The following HS3ST1 variants were observed in gnomAD, a reference collection of about 807,000 sequenced individuals.
The protein encoded by HS3ST1 is heparan sulfate glucosamine 3-O-sulfotransferase 1.
A neutral mutation model predicts 20.7 loss-of-function variants in HS3ST1; 8 were observed. The observed-to-expected ratio is 0.39, with a 90% confidence interval of 0.23 to 0.70. HS3ST1 has a LOEUF of 0.70. HS3ST1 is among the 30% of genes least tolerant of loss of function. HS3ST1 has a pLI of 0.46. For synonymous variants in HS3ST1, 205 were observed against 190.4 expected (o/e 1.08, Z -0.63); for missense variants, 436 against 423.4 (o/e 1.03, Z -0.26).
intron 1 of HS3ST1, among the ~76,000 whole-genome samples, chr4:11,402,819 G>A (rs925254071): frequency 6.6e-6 from 1 of 152,214 alleles, no homozygotes; most frequent in Non-Finnish European, 1.5e-5. Flanking sequence ...AGGCATCCTG[G>A]TTAGTGTAGT....
At chr4:11,414,494 G>A (rs1014263653) in intron 1 of HS3ST1, among the ~76,000 whole-genome samples, 10 of 152,226 alleles carry the variant, frequency 6.6e-5, no homozygotes, top group East Asian at 1.9e-4. Context: ...TTTCAGAGGC[G>A]TCTAAAGAAT....
intron 1 of HS3ST1, among the ~76,000 whole-genome samples, chr4:11,415,134 C>T (rs17488994): frequency 0.14 from 21,099 of 152,186 alleles, 1,544 homozygotes; most frequent in South Asian, 0.2. Flanking sequence ...GAGGAAAGTT[C>T]AGGGGTCTGG....
intron 1 of HS3ST1, among the ~76,000 whole-genome samples, chr4:11,412,923 G>T (rs189234020): frequency 6.6e-6 from 1 of 152,170 alleles, no homozygotes; most frequent in African/African-American, 2.4e-5. Flanking sequence ...GGTCATGAGG[G>T]TGAAGACGTC....
chr4:11,425,599 C>T (rs1340615369), intron 1 of HS3ST1, among the ~76,000 whole-genome samples: 4 of 152,160 alleles, frequency 2.6e-5, no homozygotes, highest in Admixed American at 6.5e-5. Flanking sequence ...TAATGTTTAG[C>T]ATATGTCATT....
chr4:11,419,660 T>A lies in HS3ST1; in HGVS notation c.-109+9039A>T, dbSNP rs564688550. On this transcript the variant is annotated intron_variant, in intron 1 of 1. Coordinates refer to ENST00000002596, the MANE Select transcript of HS3ST1 (RefSeq NM_005114.4). The stretch of plus-strand genomic sequence containing the variant: ...AGTAAAACAAAATACAATAAAATTT[T>A]AAAAAAAGAAAAAGTAGGGGCCTTC... Among the ~76,000 whole-genome samples the A allele has an allele frequency of 6.1e-4, 93 of 151,852 alleles. 1 individual carries two copies. The highest frequency in any genetic ancestry group is 1.9e-3 in the African/African-American group (78 of 41,440).
chr4:11,431,478 C>T (rs1439711170), upstream of HS3ST1, among the ~76,000 whole-genome samples: 2 of 152,152 alleles, frequency 1.3e-5, no homozygotes, highest in Admixed American at 6.5e-5. Context: ...TTTAAGATCT[C>T]GAAGTCTTTA....
chr4:11,425,420 A>T (rs1719035631), intron 1 of HS3ST1, among the ~76,000 whole-genome samples: 1 of 152,206 alleles, frequency 6.6e-6, no homozygotes, highest in South Asian at 2.1e-4. Context: ...AGATTTTCTT[A>T]AGACATGTAA....
Position 11,396,222 on chromosome 4 carries a change from C to G in HS3ST1, c.*2860G>C, listed in dbSNP as rs1718142206. The G allele has an allele frequency of 6.6e-6, 1 of 152,206 alleles. No individual in the cohort carries two copies. The highest frequency in any genetic ancestry group is 6.5e-5 in the Admixed American group (1 of 15,278). The allele number at this position is 152,206 out of a possible 1,614,324, so 9.4% of individuals were successfully genotyped here. A position where few individuals can be genotyped will look rare whatever the true frequency, so the allele number is the denominator to read the frequency against. On this transcript the variant is annotated 3_prime_UTR_variant, in exon 2 of 2. Transcript: ENST00000002596. ...ATGTCACTTTTCCTAAACTTGCAAA[C>G]CTTCAGGTTGTGAGCTGATAACCAA...
Position 11,422,912 on chromosome 4 carries a change from G to T in HS3ST1, c.-109+5787C>A, listed in dbSNP as rs186638995. Among the ~76,000 whole-genome samples, 7 of 149,832 alleles carry T rather than the reference G, an allele frequency of 4.7e-5. No homozygotes were observed. In the East Asian group the frequency reaches 1.4e-3, roughly 30 times the overall value. ...AAAACAAATGATCAAGTTAAAAGGT[G>T]CTCAGGAGGCTGAGATAGGAGAATC... On this transcript the variant is annotated intron_variant, in intron 1 of 1. Coordinates refer to ENST00000002596, the MANE Select transcript of HS3ST1 (RefSeq NM_005114.4).
rs561457630 is a variant in HS3ST1, at chr4:11,396,797, G to A, written c.*2285C>T. On this transcript the variant is annotated 3_prime_UTR_variant, in exon 2 of 2. Transcript: ENST00000002596. Reference sequence around the variant, plus strand: ...TAGCCACGACTCTGCACCCCCAAATGAAAACATATTGAATTTACATTCACT... The same window carrying A: ...TAGCCACGACTCTGCACCCCCAAATAAAAACATATTGAATTTACATTCACT... 145 of 152,340 alleles carry A rather than the reference G, an allele frequency of 9.5e-4. 1 individual carries two copies. The highest frequency in any genetic ancestry group is 1.7e-3 in the Non-Finnish European group (117 of 68,070). 9.4% of individuals were successfully genotyped at this position (152,340 alleles called of 1,614,324 possible).
At chr4:11,433,013 A>C (rs572799195), upstream of HS3ST1, among the ~76,000 whole-genome samples, 2 of 152,326 alleles carry the variant, frequency 1.3e-5, no homozygotes, top group South Asian at 2.1e-4. Flanking sequence ...ACATCTTGGC[A>C]TATGTGGTTA....
intron 1 of HS3ST1, among the ~76,000 whole-genome samples, chr4:11,424,001 G>T (rs1374018164): frequency 1.4e-5 from 2 of 138,102 alleles, no homozygotes; most frequent in African/African-American, 2.7e-5. Flanking sequence ...AAAGTGAGTA[G>T]ATTTTACATA....
At chr4:11,418,509 C>T (rs1035657200) in intron 1 of HS3ST1, among the ~76,000 whole-genome samples, 1 of 152,156 alleles carries the variant, frequency 6.6e-6, no homozygotes, top group African/African-American at 2.4e-5. Flanking sequence ...ACTACACTCC[C>T]TTTTGGATCA....
chr4:11,420,089 C>T (rs2108889214), intron 1 of HS3ST1, among the ~76,000 whole-genome samples: 1 of 152,302 alleles, frequency 6.6e-6, no homozygotes, highest in East Asian at 1.9e-4. Context: ...TTCTTTCTGT[C>T]CCATATTTCA....
At chr4:11,408,783 C>T (rs1290929650) in intron 1 of HS3ST1, among the ~76,000 whole-genome samples, 1 of 152,138 alleles carries the variant, frequency 6.6e-6, no homozygotes. Flanking sequence ...GAAGAGGAGC[C>T]CCATAGCAGA....
At chr4:11,426,638 A>G (rs1173790775) in intron 1 of HS3ST1, among the ~76,000 whole-genome samples, 1 of 152,238 alleles carries the variant, frequency 6.6e-6, no homozygotes, top group African/African-American at 2.4e-5. Context: ...CTAGAAGCAC[A>G]GCTTAATAAG....
In HS3ST1 at chr4:11,394,455, T is replaced by G. The variant is rs1718084801; in HGVS notation, c.*4627A>C. 6.6e-6 allele frequency: 1 copy of G among 152,280 alleles called. No individual in the cohort carries two copies. The allele number at this position is 152,280 out of a possible 1,614,324, so 9.4% of individuals were successfully genotyped here. A position where few individuals can be genotyped will look rare whatever the true frequency, so the allele number is the denominator to read the frequency against. On this transcript the variant is annotated 3_prime_UTR_variant, in exon 2 of 2. Transcript: ENST00000002596. The stretch of plus-strand genomic sequence containing the variant: ...GCTTTGGCCTTCTCTCACTGTGTGC[T>G]GTTTGGAGAACTCTGTTATGTTGCT...
At position 11,399,671 on chromosome 4, in the gene HS3ST1, G is replaced by T; in HGVS notation, c.335C>A (p.Pro112Gln). The change falls in exon 2 of 2, where the codon CCA (proline) becomes CAA (glutamine). Residue 112 changes from proline to glutamine, a missense_variant. Transcript: ENST00000002596. The surrounding 1 kb of genome is among the most constrained non-coding windows in gnomAD (Gnocchi z 5.1). ...WYLSQMPFSW[P>Q]HQLTVEKTPA... ...GGTCTTCTCCACTGTGAGCTGGTGTGGCCAGGAGAAGGGCATCTGGCTGAG... is the reference window on the plus strand; with the variant it reads ...GGTCTTCTCCACTGTGAGCTGGTGTTGCCAGGAGAAGGGCATCTGGCTGAG... The T allele has an allele frequency of 6.2e-7, 1 of 1,613,762 alleles. No homozygotes were observed. The highest frequency in any genetic ancestry group is 8.5e-7 in the Non-Finnish European group (1 of 1,179,932).
At chr4:11,417,688 C>T (rs1350562481) in intron 1 of HS3ST1, among the ~76,000 whole-genome samples, 2 of 152,116 alleles carry the variant, frequency 1.3e-5, no homozygotes, top group Non-Finnish European at 2.9e-5. Flanking sequence ...AAAGATTTCT[C>T]AGGTTAGCAA....
Sources: gnomAD v4.1 joint callset for allele counts (sites outside exome capture counted in the v4.1 genomes callset) on GRCh38, gnomAD v4.1.1 for gene constraint, Gnocchi (gnomAD v3.1) non-coding constraint, MANE v1.5 for transcripts, NCBI Gene and HGNC (gene_info 2026-07-23, HGNC 2026-07-21) for gene names.